Variants in ZFYVE9 observed in about 807,000 individuals in gnomAD.
ZFYVE9 encodes zinc finger FYVE-type containing 9, also known as zinc finger FYVE domain-containing protein 9.
ZFYVE9 carries 43 observed loss-of-function variants against 126.7 expected under a neutral mutation model. The observed-to-expected ratio is 0.34, with a 90% CI of 0.27 to 0.44. The LOEUF (loss-of-function observed/expected upper bound fraction) is 0.44. Among genes scored for constraint, ZFYVE9 ranks in the 20% least tolerant of loss-of-function variants. The probability of loss-of-function intolerance (pLI) is 1.00; values close to 1 mark genes in which losing one functional copy is unlikely to be tolerated. For synonymous variants in ZFYVE9, 521 were observed against 597.4 expected (o/e 0.87, Z 1.87); for missense variants, 1,476 against 1,697.0 (o/e 0.87, Z 2.29).
At chr1:52,226,596 G>A (rs1241100288) in intron 2 of ZFYVE9, among the ~76,000 whole-genome samples, 2 of 152,114 alleles carry the variant, frequency 1.3e-5, no homozygotes, top group Non-Finnish European at 2.9e-5. Flanking sequence ...CCTTACTGAG[G>A]ACTCTCGTAC....
At chr1:52,171,038 A>T (rs1644563142) in intron 1 of ZFYVE9, among the ~76,000 whole-genome samples, 1 of 151,892 alleles carries the variant, frequency 6.6e-6, no homozygotes, top group African/African-American at 2.4e-5. Flanking sequence ...TTTAGGGTAC[A>T]TGTACACAAT....
rs1455263380 is a variant in ZFYVE9, at chr1:52,239,226, T to C, written c.1809T>C (p.Phe603=). ...KPLSDHLQND[F]PANSGNNTKN... Reference sequence around the variant, plus strand: ...TATCAGACCATTTACAAAATGACTTTCCTGCAAACAGTGGAAATAATACTA... The same window carrying C: ...TATCAGACCATTTACAAAATGACTTCCCTGCAAACAGTGGAAATAATACTA... Residue 603 remains phenylalanine, a synonymous_variant, in exon 4 of 19, where the codon TTT becomes TTC. Coordinates refer to ENST00000287727, the MANE Select transcript of ZFYVE9 (RefSeq NM_004799.4). 2.9e-5 allele frequency: 47 copies of C among 1,614,030 alleles called. No individual in the cohort carries two copies. The highest frequency in any genetic ancestry group is 3.8e-5 in the Non-Finnish European group (45 of 1,180,022).
At chr1:52,304,807 A>G (rs1646067380) in intron 13 of ZFYVE9, among the ~76,000 whole-genome samples, 1 of 150,198 alleles carries the variant, frequency 6.7e-6, no homozygotes, top group South Asian at 2.1e-4. Context: ...TTTTTTTTTT[A>G]AGGATATTAG....
rs961004465 is a variant in ZFYVE9 at position 52,340,933 on chromosome 1, A to C, written c.3939+702A>C. Among the ~76,000 whole-genome samples the C allele has an allele frequency of 4.7e-5, 6 of 128,438 alleles. No homozygotes were observed. The East Asian group carries it at 1.4e-3, about 31-fold the overall frequency. 84.3% of individuals were successfully genotyped at this position (128,438 alleles called of 152,430 possible). A position where few individuals can be genotyped will look rare whatever the true frequency, so the allele number is the denominator to read the frequency against. ...AAAAAAAAAAAAAAAAAAAAAAAAA[A>C]CTAGGCCGGGTGTGGTGGCTCACGC... is the stretch of plus-strand genomic sequence containing the variant. On this transcript the variant is annotated intron_variant, in intron 17 of 18. Transcript: ENST00000287727.
Position 52,237,823 on chromosome 1 carries a change from T to C in ZFYVE9, c.406T>C (p.Cys136Arg), listed in dbSNP as rs769919814. ...CSAVEVGEKK[C>R]GNLACLPDEK... ...TGCTGTTGAAGTGGGAGAGAAGAAA[T>C]GTGGAAACCTGGCTTGTCTGCCAGA... is the stretch of plus-strand genomic sequence containing the variant. Residue 136 changes from cysteine to arginine, a missense_variant, in exon 4 of 19, where the codon TGT (cysteine) becomes CGT (arginine). Physicochemically the swap from Cys to Arg is radical, Grantham distance 180. Around this residue, in one of 2 missense-constraint regions of ZFYVE9, gnomAD observed 807 missense variants for 794.6 expected, o/e 1.02. Transcript: ENST00000287727. 4 of 1,614,018 alleles carry C rather than the reference T, an allele frequency of 2.5e-6. 1 individual carries two copies. The South Asian group carries it at 4.4e-5, about 18-fold the overall frequency.
At chr1:52,185,006 A>T (rs1351651261) in intron 1 of ZFYVE9, among the ~76,000 whole-genome samples, 1 of 152,208 alleles carries the variant, frequency 6.6e-6, no homozygotes, top group African/African-American at 2.4e-5. Context: ...ACAAAACAAA[A>T]AAAGAATTGA....
intron 1 of ZFYVE9, among the ~76,000 whole-genome samples, chr1:52,209,920 T>C (rs1645012044): frequency 6.6e-6 from 1 of 152,178 alleles, no homozygotes; most frequent in South Asian, 2.1e-4. Flanking sequence ...TTGGGTTTTG[T>C]ATTTGTGTGG....
chr1:52,285,640 G>C (rs1645851163), intron 10 of ZFYVE9, among the ~76,000 whole-genome samples: 1 of 152,140 alleles, frequency 6.6e-6, no homozygotes, highest in Non-Finnish European at 1.5e-5. Context: ...GGACAGTCTA[G>C]TTGCAGGAAA....
At chr1:52,188,802 T>C (rs544548667) in intron 1 of ZFYVE9, among the ~76,000 whole-genome samples, 1 of 152,268 alleles carries the variant, frequency 6.6e-6, no homozygotes, top group African/African-American at 2.4e-5. Flanking sequence ...TTTTTTTTTA[T>C]GTTTTTAAGA....
chr1:52,181,977 C>T (rs991833418), intron 1 of ZFYVE9, among the ~76,000 whole-genome samples: 13 of 151,528 alleles, frequency 8.6e-5, no homozygotes, highest in East Asian at 2.0e-4. Flanking sequence ...CCAGGCCAGC[C>T]GCCCCGTCCC....
At chr1:52,228,000 T>G (rs1339158611) in intron 2 of ZFYVE9, among the ~76,000 whole-genome samples, 1 of 152,206 alleles carries the variant, frequency 6.6e-6, no homozygotes, top group Non-Finnish European at 1.5e-5. Flanking sequence ...CCTTCTAGGT[T>G]TATGGCATCT....
intron 1 of ZFYVE9, among the ~76,000 whole-genome samples, chr1:52,146,642 C>G (rs1254268092): frequency 6.6e-6 from 1 of 151,868 alleles, no homozygotes; most frequent in Non-Finnish European, 1.5e-5. Flanking sequence ...CCTGGTAAAT[C>G]CGGACTCTGG....
At chr1:52,230,596 C>T (rs1028905678) in intron 2 of ZFYVE9, among the ~76,000 whole-genome samples, 10 of 151,496 alleles carry the variant, frequency 6.6e-5, no homozygotes, top group African/African-American at 2.4e-4. Context: ...GGTTTTTCAG[C>T]CCTCATGCTG....
intron 7 of ZFYVE9, among the ~76,000 whole-genome samples, chr1:52,270,744 T>C (rs1645684426): frequency 1.3e-5 from 2 of 152,156 alleles, no homozygotes; most frequent in African/African-American, 2.4e-5. Flanking sequence ...ATCATTAATA[T>C]TTAAGTATTT....
chr1:52,182,287 G>C (rs1644717157), intron 1 of ZFYVE9, among the ~76,000 whole-genome samples: 1 of 152,242 alleles, frequency 6.6e-6, no homozygotes, highest in South Asian at 2.1e-4. Flanking sequence ...TGATGACAGT[G>C]GCGGTTTTGT....
intron 5 of ZFYVE9, among the ~76,000 whole-genome samples, 179 bp from the exon 6 acceptor site, chr1:52,266,476 C>T (rs1645635190): frequency 6.8e-6 from 1 of 146,532 alleles, no homozygotes; most frequent in Non-Finnish European, 1.5e-5. Context: ...GTTTACTTGG[C>T]TAAATGGTCT....
chr1:52,249,357 C>T (rs1204751461), intron 4 of ZFYVE9, among the ~76,000 whole-genome samples: 1 of 152,084 alleles, frequency 6.6e-6, no homozygotes, highest in African/African-American at 2.4e-5. Context: ...GAAGTGGTAT[C>T]TCATTGTGGT....
At chr1:52,342,422 C>T (rs150181500) in intron 17 of ZFYVE9, among the ~76,000 whole-genome samples, 4,176 of 151,878 alleles carry the variant, frequency 0.027, 133 homozygotes, top group African/African-American at 0.078. Context: ...CCCGCTACCA[C>T]GCCCGACTAA....
rs1645300220 is a variant in ZFYVE9 at position 52,238,580 on chromosome 1, A to G, written c.1163A>G (p.Asn388Ser). Residue 388 changes from asparagine to serine, a missense_variant, in exon 4 of 19, where the codon AAT (asparagine) becomes AGT (serine). Transcript: ENST00000287727. ...ACTCTTGGCACTACAGAATTCCTTA[A>G]TATGACAGAGCATTTCTCTGAATCT... ...EETLGTTEFL[N>S]MTEHFSESQD... 1 of 1,613,964 alleles carries G rather than the reference A, an allele frequency of 6.2e-7. No homozygotes were observed. Among genetic ancestry groups the G allele is most frequent in the African/African-American group, 1.3e-5 (1 of 74,922 alleles).
Sources: allele counts gnomAD v4.1 joint callset (sites outside exome capture counted in the v4.1 genomes callset), GRCh38; gene constraint gnomAD v4.1.1; regional missense constraint gnomAD v4.1.1; transcripts MANE v1.5; gene names NCBI Gene and HGNC (gene_info 2026-07-23, HGNC 2026-07-21).